The following RGMA variants were observed in gnomAD, a reference collection of about 807,000 sequenced individuals.
The protein encoded by RGMA is repulsive guidance molecule BMP co-receptor a, also known as repulsive guidance molecule A.
In RGMA, 10 loss-of-function variants were observed where a neutral mutation model predicts 23.2. That is an observed-to-expected ratio of 0.43 (90% CI 0.27 to 0.73). The LOEUF (loss-of-function observed/expected upper bound fraction) is 0.73. Among genes scored for constraint, RGMA ranks in the 30% least tolerant of loss-of-function variants. The pLI is 0.20. For missense variants in RGMA, 547 were observed against 630.5 expected (o/e 0.87, Z 1.42); for synonymous variants, 308 against 279.3 (o/e 1.10, Z -1.03).
intron 1 of RGMA, among the ~76,000 whole-genome samples, chr15:93,081,042 T>C (rs576989910): frequency 2.0e-5 from 3 of 152,210 alleles, no homozygotes; most frequent in Non-Finnish European, 4.4e-5. Context: ...TTGTCAGTGT[T>C]GAGATGGAAA....
intron 2 of RGMA, chr15:93,065,826 G>C: frequency 1.3e-6 from 1 of 796,744 alleles, no homozygotes; most frequent in Non-Finnish European, 2.2e-6. Context: ...AGGGGAACCC[G>C]CTCACCTCCC....
chr15:93,052,089 C>T lies in RGMA; in HGVS notation c.549G>A (p.Val183=). 6 of 1,613,542 alleles carry T rather than the reference C, an allele frequency of 3.7e-6. No individual in the cohort carries two copies. Among genetic ancestry groups the T allele is most frequent in the African/African-American group, 1.3e-5 (1 of 75,066 alleles). The part of the protein sequence containing the change: ...TFTDRFQTCK[V]QGAWPLIDNN... ...TGTCGATGAGCGGCCAGGCGCCCTG[C>T]ACCTTGCAGGTCTGGAAGCGGTCGG... Residue 183 remains valine (V), a synonymous_variant, in exon 3 of 4, where the codon GTG becomes GTA. Transcript: ENST00000329082.
rs780864561 is a variant in RGMA, at chr15:93,044,963, G to A, written c.*35C>T. On this transcript the variant is annotated 3_prime_UTR_variant, in exon 4 of 4. Coordinates refer to ENST00000329082, the MANE Select transcript of RGMA (RefSeq NM_020211.3). ...CAGCCCACACATGGGGAAGCCGAGA[G>A]GACGGAGCCCGCGCCTCCCTCCACA... The A allele has an allele frequency of 6.6e-7, 1 of 1,526,502 alleles. No homozygotes were observed. The highest frequency in any genetic ancestry group is 1.9e-5 in the Admixed American group (1 of 51,804). The allele number at this position is 1,526,502 out of a possible 1,614,324, so 94.6% of individuals were successfully genotyped here.
At chr15:93,066,665 A>G (rs1412603309) in intron 2 of RGMA, 3 of 411,934 alleles carry the variant, frequency 7.3e-6, no homozygotes, top group Non-Finnish European at 1.4e-5. Flanking sequence ...TGCCGGGTCC[A>G]GTACCGGCCC....
intron 2 of RGMA, among the ~76,000 whole-genome samples, chr15:93,056,981 A>T (rs974700347): frequency 2.0e-5 from 3 of 152,096 alleles, no homozygotes; most frequent in African/African-American, 7.2e-5. Context: ...GGGGCATTGG[A>T]GGGAGCCTGC....
Position 93,089,211 on chromosome 15 carries a change from T to G in RGMA, c.-279A>C. On this transcript the variant is annotated 5_prime_UTR_variant, in exon 1 of 4. Coordinates refer to ENST00000329082, the MANE Select transcript of RGMA (RefSeq NM_020211.3). ...CAGCGCTCGGGAGACAACTGCAGAG[T>G]GGGGCGGCCGGGACCAGCCCCCTCC... 4.3e-6 allele frequency: 1 copy of G among 231,470 alleles called. No individual in the cohort carries two copies. The highest frequency in any genetic ancestry group is 8.2e-6 in the Non-Finnish European group (1 of 121,476). The allele number at this position is 231,470 out of a possible 1,614,324, so 14.3% of individuals were successfully genotyped here. A position where few individuals can be genotyped will look rare whatever the true frequency, so the allele number is the denominator to read the frequency against.
chr15:93,072,836 A>G, intron 2 of RGMA, 80 bp downstream of exon 2: 1 of 1,468,868 alleles, frequency 6.8e-7, no homozygotes, highest in Non-Finnish European at 9.2e-7. Context: ...TTGAGCCCGG[A>G]CTCACTCGCG....
rs1235959289 is a variant in RGMA at position 93,045,324 on chromosome 15, C to T, written c.1027G>A (p.Ala343Thr). 6.2e-7 allele frequency: 1 copy of T among 1,611,994 alleles called. No homozygotes were observed. Among genetic ancestry groups the T allele is most frequent in the South Asian group, 1.1e-5 (1 of 91,000 alleles). The change falls in exon 4 of 4, where the codon GCA (alanine) becomes ACA (threonine). Residue 343 changes from alanine to threonine, a missense_variant. Physicochemically the swap from Ala to Thr is moderately conservative, Grantham distance 58 (BLOSUM62 0). This residue lies in a region of RGMA where 205 missense variants were observed against 204.1 expected (regional missense o/e 1.00). Transcript: ENST00000329082. This position sits in a 1 kb window ranked among gnomAD's most constrained non-coding sequence, Gnocchi z 6.9. ...NAEGTGARRL[A>T]AASPAPTAPE... ...GCTGTGGGTGCAGGGCTGGCGGCTG[C>T]CAGCCTGCGGGCACCGGTGCCCTCA...
chr15:93,080,413 C>G (rs28605595), intron 1 of RGMA, among the ~76,000 whole-genome samples: 82,107 of 151,808 alleles, frequency 0.54, 22,431 homozygotes, highest in Admixed American at 0.62. Flanking sequence ...CACATTCACC[C>G]AAACTTACAC....
At chr15:93,066,351 C>G (rs1040468798) in intron 2 of RGMA, 29 of 749,700 alleles carry the variant, frequency 3.9e-5, no homozygotes, top group Non-Finnish European at 6.6e-5. Flanking sequence ...GCCCAGGACT[C>G]GGAGTGCCAG....
intron 1 of RGMA, among the ~76,000 whole-genome samples, chr15:93,079,983 AAAG>A (rs1232062711): frequency 2.6e-5 from 4 of 152,124 alleles, no homozygotes; most frequent in Non-Finnish European, 5.9e-5. Flanking sequence ...CTCTCTGTGT[AAAG>A]AATATCACCT....
rs2141779626 is a variant in RGMA at position 93,040,661 on chromosome 15, G to GTTTTGTAACTGTGGTT, written c.*4321_*4336dup. ...GGAGCTCGTTACCATGGGACCCTGG[G>GTTTTGTAACTGTGGTT]TTTTGTAACTGTGGTTTATTGCCTT... On this transcript the variant is annotated 3_prime_UTR_variant, in exon 4 of 4. Transcript: ENST00000329082. The GTTTTGTAACTGTGGTT allele has an allele frequency of 6.6e-6, 1 of 152,318 alleles. No individual in the cohort carries two copies. The highest frequency in any genetic ancestry group is 6.5e-5 in the Admixed American group (1 of 15,290). 9.4% of individuals were successfully genotyped at this position (152,318 alleles called of 1,614,324 possible). A position where few individuals can be genotyped will look rare whatever the true frequency, so the allele number is the denominator to read the frequency against.
At position 93,044,977 on chromosome 15, in the gene RGMA, C is replaced by A; in HGVS notation, c.*21G>T. The stretch of plus-strand genomic sequence containing the variant: ...GGAAGCCGAGAGGACGGAGCCCGCG[C>A]CTCCCTCCACATCTACGCGTCTAGC... On this transcript the variant is annotated 3_prime_UTR_variant, in exon 4 of 4. Coordinates refer to ENST00000329082, the MANE Select transcript of RGMA (RefSeq NM_020211.3). The A allele has an allele frequency of 7.1e-7, 1 of 1,409,754 alleles. No homozygotes were observed. The highest frequency in any genetic ancestry group is 1.8e-5 in the Admixed American group (1 of 55,806). 87.3% of individuals were successfully genotyped at this position (1,409,754 alleles called of 1,614,324 possible).
chr15:93,063,100 A>G (rs1895023439), intron 2 of RGMA: 1 of 152,210 alleles, frequency 6.6e-6, no homozygotes. Flanking sequence ...TGAAGAGGCG[A>G]TGGCTTCAAT....
intron 1 of RGMA, chr15:93,073,442 C>A (rs2141842027): frequency 1.1e-6 from 1 of 905,382 alleles, no homozygotes; most frequent in Non-Finnish European, 1.6e-6. Context: ...TCCTTGCAAA[C>A]CAGGCCCAGC....
chr15:93,079,292 C>G (rs1895521060), intron 1 of RGMA, among the ~76,000 whole-genome samples: 1 of 152,124 alleles, frequency 6.6e-6, no homozygotes, highest in Admixed American at 6.5e-5. Flanking sequence ...TGTAAATGAC[C>G]TTTGGGATGG....
Position 93,052,607 on chromosome 15 carries a change from C to T in RGMA, c.131-100G>A. Reference sequence around the variant, plus strand: ...GGGGAGCAGCCACACATCGCCTCATCTAGGGCAGAGCCACCCATGCCACAC... The same window carrying T: ...GGGGAGCAGCCACACATCGCCTCATTTAGGGCAGAGCCACCCATGCCACAC... On this transcript the variant is annotated intron_variant, in intron 2 of 3. Transcript: ENST00000329082. 6.8e-6 allele frequency: 9 copies of T among 1,321,734 alleles called. No homozygotes were observed. The South Asian group carries it at 1.0e-4, about 15-fold the overall frequency. 81.9% of individuals were successfully genotyped at this position (1,321,734 alleles called of 1,614,324 possible).
chr15:93,038,058 T>C lies in RGMA; in HGVS notation c.*6940A>G, dbSNP rs2054679383. The C allele has an allele frequency of 6.6e-6, 1 of 152,218 alleles. No individual in the cohort carries two copies. The highest frequency in any genetic ancestry group is 1.5e-5 in the Non-Finnish European group (1 of 68,048). The allele number at this position is 152,218 out of a possible 1,614,324, so 9.4% of individuals were successfully genotyped here. A position where few individuals can be genotyped will look rare whatever the true frequency, so the allele number is the denominator to read the frequency against. ...CTTCAGGGTTCTGCTACTAACACCA[T>C]GTCTATATCTTAGGGAGGGAAGGAT... On this transcript the variant is annotated 3_prime_UTR_variant, in exon 4 of 4. Transcript: ENST00000329082.
intron 3 of RGMA, among the ~76,000 whole-genome samples, chr15:93,048,593 G>C (rs193032429): frequency 6.6e-6 from 1 of 152,272 alleles, no homozygotes; most frequent in East Asian, 1.9e-4. Flanking sequence ...CTTCCCATTT[G>C]CCGTGGGATG....
Sources: gnomAD v4.1 joint callset for allele counts (sites outside exome capture counted in the v4.1 genomes callset) on GRCh38, gnomAD v4.1.1 for gene constraint, gnomAD v4.1.1 regional missense constraint, Gnocchi (gnomAD v3.1) non-coding constraint, MANE v1.5 for transcripts, NCBI Gene and HGNC (gene_info 2026-07-23, HGNC 2026-07-21) for gene names.